The following SAMD11 variants were observed in gnomAD, a reference collection of about 807,000 sequenced individuals.
SAMD11 encodes sterile alpha motif domain containing 11, also known as sterile alpha motif domain-containing protein 11.
A neutral mutation model predicts 64.4 loss-of-function variants in SAMD11; 77 were observed. That is an observed-to-expected ratio of 1.20 (90% CI 0.99 to 1.44). SAMD11 has a LOEUF of 1.44. SAMD11 is among the 40% of genes most tolerant of loss of function. The pLI is 0.00. For synonymous variants in SAMD11, 658 were observed against 421.9 expected, an observed-to-expected ratio of 1.56 and a Z score of -6.86; for missense variants, 1,402 against 943.3, an observed-to-expected ratio of 1.49 and a Z score of -6.37.
chr1:943,014 T>G lies in SAMD11; in HGVS notation c.2009T>G (p.Leu670Arg). 6.5e-7 allele frequency: 1 copy of G among 1,536,908 alleles called. No individual in the cohort carries two copies. The highest frequency in any genetic ancestry group is 8.7e-7 in the Non-Finnish European group (1 of 1,145,256). ...AAGGGGCTTTTCCCAGGGTCCACAC[T>G]GCCCCTGGGCTTCCCTTATGCCGTC... is the stretch of plus-strand genomic sequence containing the variant. ...EGKGLFPGST[L>R]PLGFPYAVSP... is the part of the protein sequence containing the mutation. Residue 670 changes from leucine (L) to arginine (R), a missense_variant, in exon 11 of 14, where the codon CTG becomes CGG. Physicochemically the swap from Leu to Arg is moderately radical, Grantham distance 102 (BLOSUM62 -2). Coordinates refer to ENST00000616016, the MANE Select transcript of SAMD11 (RefSeq NM_001385641.1).
Position 925,981 on chromosome 1 carries a change from G to T in SAMD11, c.577G>T (p.Asp193Tyr). 1 of 1,612,108 alleles carries T rather than the reference G, an allele frequency of 6.2e-7. No homozygotes were observed. The highest frequency in any genetic ancestry group is 8.5e-7 in the Non-Finnish European group (1 of 1,179,970). Residue 193 changes from aspartate (D) to tyrosine (Y), a missense_variant, in exon 2 of 14, where the codon GAC becomes TAC. Asp to Tyr is a radical substitution (Grantham distance 160). Coordinates refer to ENST00000616016, the MANE Select transcript of SAMD11 (RefSeq NM_001385641.1). ...GILQVHPPIC[D>Y]CPGCRISSPV... ...CCTGCAGGTGCATCCTCCGATCTGC[G>T]ACTGCCCGGGCTGCCGAATATCCTC...
chr1:931,652 G>A (rs988087837), intron 4 of SAMD11, among the ~76,000 whole-genome samples: 1 of 152,200 alleles, frequency 6.6e-6, no homozygotes, highest in African/African-American at 2.4e-5. Flanking sequence ...TCCTCCAGGC[G>A]GGAGCCACCG....
chr1:930,991 G>A (rs200617908), intron 3 of SAMD11, 48 bp from the exon 4 acceptor site: 2 of 1,590,826 alleles, frequency 1.3e-6, no homozygotes, highest in African/African-American at 1.3e-5. Flanking sequence ...TGAGGCTGGG[G>A]TCAGGGGCCT....
At chr1:940,491 T>C (rs1373307878) in intron 7 of SAMD11, 1 of 151,818 alleles carries the variant, frequency 6.6e-6, no homozygotes, top group Non-Finnish European at 1.5e-5. Flanking sequence ...GAGGCGGCGG[T>C]GGAGCTGGCG....
chr1:935,199 G>T (rs1173266139), intron 4 of SAMD11, among the ~76,000 whole-genome samples: 1 of 152,182 alleles, frequency 6.6e-6, no homozygotes, highest in Admixed American at 6.5e-5. Context: ...CTGCCGGGGG[G>T]ACAGCGGGAG....
rs1228972857 is a variant in SAMD11, at chr1:942,177, C to T, written c.1400C>T (p.Ala467Val). The change falls in exon 9 of 14, where the codon GCC becomes GTC. Residue 467 changes from alanine to valine, a missense_variant. Transcript: ENST00000616016. The part of the protein sequence containing the change: ...QPPPLLSPQN[A>V]PHVALGPHLR... ...CCCCCCTTGCTGTCGCCGCAGAATG[C>T]CCCTCACGTCGCCCTGGGCCCCCAT... The T allele has an allele frequency of 2.8e-6, 4 of 1,427,828 alleles. No individual in the cohort carries two copies. Among genetic ancestry groups the T allele is most frequent in the East Asian group, 2.8e-5 (1 of 36,066 alleles). The allele number at this position is 1,427,828 out of a possible 1,614,324, so 88.4% of individuals were successfully genotyped here.
Position 939,102 on chromosome 1 carries a change from A to G in SAMD11, c.1030A>G (p.Lys344Glu). ...PRISSDCFSEKRARSESPQEA... is the reference protein window; with the variant it reads ...PRISSDCFSEERARSESPQEA... ...TATCAGCAGCGACTGCTTTTCAGAG[A>G]AGAGGGCACGAAGCGAATCGCCTCA... The change falls in exon 6 of 14, where the codon AAG becomes GAG. Residue 344 changes from lysine to glutamate, a missense_variant. By Grantham distance (56) the Lys-to-Glu change is moderately conservative. Transcript: ENST00000616016. 4 of 1,603,832 alleles carry G rather than the reference A, an allele frequency of 2.5e-6. No individual in the cohort carries two copies. Among genetic ancestry groups the G allele is most frequent in the Non-Finnish European group, 2.6e-6 (3 of 1,175,474 alleles).
At chr1:935,938 G>A (rs1209613884) in intron 5 of SAMD11, 42 bp downstream of exon 5, 1 of 1,596,074 alleles carries the variant, frequency 6.3e-7, no homozygotes, top group Admixed American at 1.7e-5. Flanking sequence ...CGGGGCTGTG[G>A]GGCCAGAGGA....
chr1:931,183 C>A, intron 4 of SAMD11, 94 bp downstream of exon 4: 1 of 1,125,998 alleles, frequency 8.9e-7, no homozygotes, highest in Non-Finnish European at 1.3e-6. Flanking sequence ...TGTCCGCTGT[C>A]TCAGCGTGAG....
intron 8 of SAMD11, 68 bp from the exon 9 acceptor site, chr1:942,068 G>T (rs545322136): frequency 4.2e-6 from 2 of 477,624 alleles, no homozygotes; most frequent in African/African-American, 4.1e-5. Flanking sequence ...GGCGGCGGGG[G>T]AGGGGCGCCG....
Position 938,938 on chromosome 1 carries a change from C to A in SAMD11, c.968-102C>A. 3 of 1,025,714 alleles carry A rather than the reference C, an allele frequency of 2.9e-6. No individual in the cohort carries two copies. The South Asian group carries it at 4.1e-5, about 14-fold the overall frequency. 63.5% of individuals were successfully genotyped at this position (1,025,714 alleles called of 1,614,324 possible). A position where few individuals can be genotyped will look rare whatever the true frequency, so the allele number is the denominator to read the frequency against. ...GCCTGTACTCACCAGGACCAAGGGC[C>A]CCCTGAGAGATGGTGGGTGCGGTCC... On this transcript the variant is annotated intron_variant, in intron 5 of 13. Coordinates refer to ENST00000616016, the MANE Select transcript of SAMD11 (RefSeq NM_001385641.1).
Position 925,298 on chromosome 1 carries a change from C to T in SAMD11, c.517+350C>T, listed in dbSNP as rs1328990868. On this transcript the variant is annotated intron_variant, in intron 1 of 13. Transcript: ENST00000616016. ...CGCGGAGCCCCGGGTTCGGGGGAGACTGGAGGGGCGCACGTGCGGCCGGGT... is the reference window on the plus strand; with the variant it reads ...CGCGGAGCCCCGGGTTCGGGGGAGATTGGAGGGGCGCACGTGCGGCCGGGT... The T allele has an allele frequency of 3.3e-5, 5 of 151,498 alleles. No individual in the cohort carries two copies. The East Asian group carries it at 9.8e-4, about 30-fold the overall frequency. The allele number at this position is 151,498 out of a possible 1,614,324, so 9.4% of individuals were successfully genotyped here. A position where few individuals can be genotyped will look rare whatever the true frequency, so the allele number is the denominator to read the frequency against.
intron 7 of SAMD11, among the ~76,000 whole-genome samples, chr1:939,635 C>T (rs1641643302): frequency 6.6e-6 from 1 of 152,156 alleles, no homozygotes; most frequent in Admixed American, 6.5e-5. Context: ...CCCCTAGGTC[C>T]CCAGGGTCAT....
At chr1:930,952 G>T in intron 3 of SAMD11, 87 bp from the exon 4 acceptor site, 1 of 1,362,822 alleles carries the variant, frequency 7.3e-7, no homozygotes, top group South Asian at 1.2e-5. Context: ...GCACTGACCC[G>T]AGACAGGTCT....
At chr1:935,050 AG>A (rs923753093) in intron 4 of SAMD11, among the ~76,000 whole-genome samples, 2 of 152,074 alleles carry the variant, frequency 1.3e-5, no homozygotes, top group African/African-American at 4.8e-5. Flanking sequence ...GGAACCGGGA[AG>A]GGGTGGAGGG....
intron 8 of SAMD11, 141 bp from the exon 9 acceptor site, chr1:941,995 G>A (rs1641800179): frequency 2.6e-6 from 1 of 382,640 alleles, no homozygotes; most frequent in African/African-American, 2.1e-5. Flanking sequence ...GGCGGGGATG[G>A]CGCGCGACCT....
At chr1:940,745 C>T (rs1024776433) in intron 7 of SAMD11, among the ~76,000 whole-genome samples, 3 of 152,172 alleles carry the variant, frequency 2.0e-5, no homozygotes, top group Non-Finnish European at 2.9e-5. Flanking sequence ...ATGGGGACCT[C>T]AGATTTTCTT....
rs543039211 is a variant in SAMD11 at position 937,786 on chromosome 1, C to A, written c.968-1254C>A. ...CGTGGGACTGACCCTCTCTCTGGGG[C>A]CGGGCCTGACAGCAGCCGGGCCAGG... On this transcript the variant is annotated intron_variant, in intron 5 of 13. Transcript: ENST00000616016. Among the ~76,000 whole-genome samples the A allele has an allele frequency of 3.9e-4, 59 of 152,374 alleles. No homozygotes were observed. In the Middle Eastern group the frequency reaches 0.01, roughly 26 times the overall value.
In SAMD11 at chr1:941,302, G is replaced by A. The variant is rs1343341203; in HGVS notation, c.1354G>A (p.Glu452Lys). The part of the protein sequence containing the change: ...AAPAAAPSFS[E>K]RELPQPPPLL... Reference sequence around the variant, plus strand: ...CCCAGCTGCCGCCCCGTCCTTCTCGGAGAGGTACTGGGGTGGCTGCCGTTC... The same window carrying A: ...CCCAGCTGCCGCCCCGTCCTTCTCGAAGAGGTACTGGGGTGGCTGCCGTTC... Residue 452 changes from glutamate (E) to lysine (K), a missense_variant, in exon 8 of 14, where the codon GAG becomes AAG. Physicochemically the swap from Glu to Lys is moderately conservative, Grantham distance 56. Transcript: ENST00000616016. 3.8e-6 allele frequency: 6 copies of A among 1,584,168 alleles called. No individual in the cohort carries two copies. The highest frequency in any genetic ancestry group is 5.1e-6 in the Non-Finnish European group (6 of 1,165,950).
Sources: allele counts gnomAD v4.1 joint callset (sites outside exome capture counted in the v4.1 genomes callset), GRCh38; gene constraint gnomAD v4.1.1; transcripts MANE v1.5; gene names NCBI Gene and HGNC (gene_info 2026-07-23, HGNC 2026-07-21).